GCNT1: variants seen among roughly 807,000 people sequenced by gnomAD.
GCNT1 encodes beta-1,3-galactosyl-O-glycosyl-glycoprotein beta-1,6-N-acetylglucosaminyltransferase.
Under a neutral mutation model 26.2 loss-of-function variants are expected in GCNT1, and 16 were observed. The observed-to-expected ratio is 0.61, with a 90% CI of 0.41 to 0.93. GCNT1 has a LOEUF of 0.93. Ranked by LOEUF, GCNT1 falls within the 40% of genes least tolerant of loss-of-function variation. The pLI is 0.00. For missense variants in GCNT1, 477 were observed against 526.7 expected (o/e 0.91, Z 0.92); for synonymous variants, 183 against 190.8 (o/e 0.96, Z 0.34).
At chr9:76,429,807 C>G (rs1183011333) in intron 1 of GCNT1, among the ~76,000 whole-genome samples, 1 of 151,464 alleles carries the variant, frequency 6.6e-6, no homozygotes, top group Non-Finnish European at 1.5e-5. Flanking sequence ...CTCCGCCTCC[C>G]GGGTTCCTGC....
At chr9:76,455,399 T>C (rs79343224), upstream of GCNT1, among the ~76,000 whole-genome samples, 2,640 of 152,138 alleles carry the variant, frequency 0.017, 73 homozygotes, top group African/African-American at 0.06. Flanking sequence ...GAATGGAAAT[T>C]TGGAGCGCAT....
At chr9:76,407,433 A>C in the GCNT1 span, among the ~76,000 whole-genome samples, 1 of 151,976 alleles carries the variant, frequency 6.6e-6, no homozygotes, top group Non-Finnish European at 1.5e-5. Context: ...ATTTGGCTCT[A>C]TATCTGCCTC....
At chr9:76,401,937 C>T in the GCNT1 span, among the ~76,000 whole-genome samples, 1 of 152,128 alleles carries the variant, frequency 6.6e-6, no homozygotes, top group South Asian at 2.1e-4. Flanking sequence ...AAAGAAAGGA[C>T]AAGACAGAGG....
the GCNT1 span, chr9:76,399,629 G>A: frequency 2.1e-5 from 21 of 1,000,362 alleles, no homozygotes; most frequent in East Asian, 5.1e-4. Flanking sequence ...AAAAATGGTT[G>A]ATGGAAAATA....
Position 76,504,601 on chromosome 9 carries a change from G to C in GCNT1, c.*933G>C. ...TGAGGGGCTGGGGAGTGGGAGGGGG[G>C]AGAAAAGGAATGTATTTAAACAATT... On this transcript the variant is annotated 3_prime_UTR_variant, in exon 4 of 4. Coordinates refer to ENST00000376730, the MANE Select transcript of GCNT1 (RefSeq NM_001490.5). The C allele has an allele frequency of 2.4e-6, 1 of 410,592 alleles. No homozygotes were observed. The highest frequency in any genetic ancestry group is 3.6e-5 in the East Asian group (1 of 28,016). 25.4% of individuals were successfully genotyped at this position (410,592 alleles called of 1,614,324 possible).
the GCNT1 span, among the ~76,000 whole-genome samples, chr9:76,408,808 C>G: frequency 2.0e-5 from 3 of 152,100 alleles, no homozygotes; most frequent in African/African-American, 2.4e-5. Context: ...CTGCCTCAGC[C>G]TCCCAAGTAG....
chr9:76,473,559 A>G (rs531260727), intron 2 of GCNT1, among the ~76,000 whole-genome samples: 27 of 152,256 alleles, frequency 1.8e-4, no homozygotes, highest in Admixed American at 9.8e-4. Flanking sequence ...TAAACATGTT[A>G]CAAGTTAGCT....
chr9:76,410,363 C>G, the GCNT1 span, among the ~76,000 whole-genome samples: 1 of 152,116 alleles, frequency 6.6e-6, no homozygotes, highest in African/African-American at 2.4e-5. Flanking sequence ...ACCCAGGAGG[C>G]AGAGGTTGCA....
intron 2 of GCNT1, among the ~76,000 whole-genome samples, chr9:76,470,384 G>C (rs1234261538): frequency 6.6e-6 from 1 of 151,884 alleles, no homozygotes; most frequent in African/African-American, 2.4e-5. Context: ...CAGGCAGATC[G>C]CTTGAGCCCA....
chr9:76,429,717 T>C (rs1049069541), intron 1 of GCNT1, among the ~76,000 whole-genome samples: 2 of 11,954 alleles, frequency 1.7e-4, no homozygotes, highest in South Asian at 1.8e-3. Flanking sequence ...TTTTCTTTCT[T>C]TTTTTTTTTT....
chr9:76,474,292 C>T (rs1350755382), intron 2 of GCNT1, among the ~76,000 whole-genome samples: 1 of 152,022 alleles, frequency 6.6e-6, no homozygotes, highest in Non-Finnish European at 1.5e-5. Context: ...CCAGATGTTA[C>T]TGGGGACAGT....
the GCNT1 span, among the ~76,000 whole-genome samples, chr9:76,396,186 T>C: frequency 1.3e-5 from 2 of 152,196 alleles, no homozygotes; most frequent in East Asian, 3.8e-4. Flanking sequence ...AAATGAATCA[T>C]AGGAGGTAAA....
upstream of GCNT1, among the ~76,000 whole-genome samples, chr9:76,415,669 A>G (rs1823126381): frequency 1.3e-5 from 2 of 152,234 alleles, no homozygotes; most frequent in African/African-American, 4.8e-5. Flanking sequence ...GTTTTAACAA[A>G]GCATCAATAA....
chr9:76,479,687 C>A (rs1035642958), intron 2 of GCNT1, among the ~76,000 whole-genome samples: 3 of 152,142 alleles, frequency 2.0e-5, no homozygotes, highest in African/African-American at 7.2e-5. Context: ...TCATATCCTT[C>A]GCCCACTTGT....
intron 1 of GCNT1, among the ~76,000 whole-genome samples, chr9:76,425,623 C>T (rs1479399551): frequency 6.6e-6 from 1 of 152,108 alleles, no homozygotes; most frequent in Non-Finnish European, 1.5e-5. Flanking sequence ...CTAGACAAAG[C>T]CAATTTATCA....
At chr9:76,424,859 G>T (rs1199890470) in intron 1 of GCNT1, among the ~76,000 whole-genome samples, 1 of 152,146 alleles carries the variant, frequency 6.6e-6, no homozygotes, top group Non-Finnish European at 1.5e-5. Flanking sequence ...GGACATCGAG[G>T]CTGGGAGTGG....
chr9:76,469,709 T>G (rs998227234), intron 2 of GCNT1, among the ~76,000 whole-genome samples: 2 of 152,190 alleles, frequency 1.3e-5, no homozygotes, highest in African/African-American at 2.4e-5. Flanking sequence ...GAGGCGCCCA[T>G]TGCCGCTCCC....
intron 1 of GCNT1, among the ~76,000 whole-genome samples, chr9:76,427,781 G>A (rs1465736320): frequency 6.6e-6 from 1 of 152,142 alleles, no homozygotes; most frequent in East Asian, 1.9e-4. Context: ...GAGGCCAGGA[G>A]TTCGAGACCA....
chr9:76,482,398 G>C (rs1022339976), intron 2 of GCNT1, among the ~76,000 whole-genome samples: 4 of 151,568 alleles, frequency 2.6e-5, no homozygotes, highest in Non-Finnish European at 5.9e-5. Context: ...GAGGCGGGCG[G>C]ATCACGAGGT....
Sources: allele counts gnomAD v4.1 joint callset (sites outside exome capture counted in the v4.1 genomes callset), GRCh38; gene constraint gnomAD v4.1.1; transcripts MANE v1.5; gene names NCBI Gene and HGNC (gene_info 2026-07-23, HGNC 2026-07-21).